Variants in MERTK observed in about 807,000 individuals in gnomAD.
The protein encoded by MERTK is tyrosine-protein kinase Mer.
In MERTK, 69 loss-of-function variants were observed where a neutral mutation model predicts 99.3. The ratio of observed to expected loss-of-function variants is 0.70; its 90% CI spans 0.57 to 0.85. The LOEUF is 0.85. Ranked by LOEUF, MERTK falls within the 40% of genes least tolerant of loss-of-function variation. The pLI is 0.00. For missense variants in MERTK, 1,125 were observed against 1,249.4 expected, an observed-to-expected ratio of 0.90 and a Z score of 1.50; for synonymous variants, 426 against 467.6, an observed-to-expected ratio of 0.91 and a Z score of 1.15.
Position 111,982,938 on chromosome 2 carries a change from A to T in MERTK, c.1241A>T (p.Asp414Val), listed in dbSNP as rs370278504. 1.2e-6 allele frequency: 2 copies of T among 1,614,056 alleles called. No individual in the cohort carries two copies. Among genetic ancestry groups the T allele is most frequent in the African/African-American group, 2.7e-5 (2 of 74,914 alleles). Residue 414 changes from aspartate (D) to valine (V), a missense_variant, in exon 8 of 19, where the codon GAT (aspartate) becomes GTT (valine). Transcript: ENST00000295408. ...RWMKPPTKQQ[D>V]GELVGYRISH... The stretch of plus-strand genomic sequence containing the variant: ...ATGAAGCCTCCGACTAAGCAGCAGG[A>T]TGGAGAACTGGTGGGCTACCGGATA...
At chr2:111,943,888 C>A (rs993133134) in intron 2 of MERTK, among the ~76,000 whole-genome samples, 8 of 152,128 alleles carry the variant, frequency 5.3e-5, no homozygotes, top group Admixed American at 1.3e-4. Context: ...CCCCTAAAAA[C>A]CCATGGAGCC....
intron 1 of MERTK, among the ~76,000 whole-genome samples, chr2:111,927,821 G>A (rs1040868078): frequency 6.6e-6 from 1 of 152,204 alleles, no homozygotes; most frequent in Non-Finnish European, 1.5e-5. Context: ...GATGTCCTGA[G>A]CATGGCAGGA....
chr2:112,008,276 T>G, intron 13 of MERTK, 107 bp from the exon 14 acceptor site: 1 of 797,090 alleles, frequency 1.3e-6, no homozygotes. Context: ...CTCTATACTT[T>G]CATCTCTTCC....
At chr2:111,912,258 C>T (rs746665099) in intron 1 of MERTK, among the ~76,000 whole-genome samples, 3 of 151,994 alleles carry the variant, frequency 2.0e-5, no homozygotes, top group Non-Finnish European at 2.9e-5. Context: ...TTGCCCACCT[C>T]GGTCTCCCAA....
chr2:112,014,026 T>A (rs1286392213), intron 15 of MERTK, among the ~76,000 whole-genome samples: 8 of 149,944 alleles, frequency 5.3e-5, no homozygotes, highest in South Asian at 2.1e-4. Flanking sequence ...GGCTTATTTT[T>A]TTTTTTTTTT....
chr2:111,983,520 G>A (rs10188640), intron 8 of MERTK, among the ~76,000 whole-genome samples: 93,643 of 151,538 alleles, frequency 0.62, 29,273 homozygotes, highest in Middle Eastern at 0.69. Context: ...GCACAGCTGC[G>A]GGCAAGCCGA....
intron 7 of MERTK, among the ~76,000 whole-genome samples, chr2:111,981,986 C>T (rs940968267): frequency 3.9e-5 from 6 of 152,158 alleles, no homozygotes; most frequent in African/African-American, 1.4e-4. Flanking sequence ...CCCAGGAGTC[C>T]AGAGCACCAC....
chr2:111,954,399 T>C (rs1467265266), intron 4 of MERTK, among the ~76,000 whole-genome samples: 2 of 152,318 alleles, frequency 1.3e-5, no homozygotes, highest in Admixed American at 1.3e-4. Context: ...CCCCATTGCA[T>C]TGAAGAACAA....
chr2:111,970,246 T>G (rs991003573), intron 6 of MERTK, among the ~76,000 whole-genome samples: 1 of 149,640 alleles, frequency 6.7e-6, no homozygotes, highest in African/African-American at 2.5e-5. Context: ...AACCTCTGCC[T>G]CCTGGGTGCA....
At chr2:111,998,615 A>G (rs1182406371) in intron 10 of MERTK, among the ~76,000 whole-genome samples, 1 of 152,224 alleles carries the variant, frequency 6.6e-6, no homozygotes, top group African/African-American at 2.4e-5. Context: ...AAGTCAGGGA[A>G]GGCCTTTGTG....
At chr2:111,930,204 T>C (rs558459162) in intron 2 of MERTK, 1 of 152,486 alleles carries the variant, frequency 6.6e-6, no homozygotes, top group Non-Finnish European at 1.5e-5. Context: ...ACCCTGGCCA[T>C]GTGGGGCTTT....
intron 15 of MERTK, among the ~76,000 whole-genome samples, chr2:112,015,120 A>G (rs1366353570): frequency 6.6e-6 from 1 of 152,178 alleles, no homozygotes; most frequent in Non-Finnish European, 1.5e-5. Flanking sequence ...AGGTTTTAGC[A>G]ATCATGAATG....
chr2:111,997,408 T>C lies in MERTK; in HGVS notation c.1536T>C (p.Phe512=), dbSNP rs745620597. 5 of 1,614,190 alleles carry C rather than the reference T, an allele frequency of 3.1e-6. No individual in the cohort carries two copies. In the East Asian group the frequency reaches 8.9e-5, roughly 29 times the overall value. ...TCATCTTTGGCTGCTTTTGTGGATT[T>C]ATTTTGATTGGGTTGATTTTATACA... is the stretch of plus-strand genomic sequence containing the variant. ...VLIIFGCFCG[F]ILIGLILYIS... Residue 512 remains phenylalanine, a synonymous_variant, in exon 10 of 19, where the codon TTT becomes TTC. Transcript: ENST00000295408.
At chr2:111,934,946 G>T (rs990915738) in intron 2 of MERTK, among the ~76,000 whole-genome samples, 62 of 152,214 alleles carry the variant, frequency 4.1e-4, no homozygotes, top group African/African-American at 1.5e-3. Context: ...AGTATCTAAT[G>T]GCCCAGAGCT....
At chr2:111,907,072 ACAT>A (rs758935108) in intron 1 of MERTK, among the ~76,000 whole-genome samples, 9 of 152,094 alleles carry the variant, frequency 5.9e-5, no homozygotes, top group South Asian at 2.1e-4. Flanking sequence ...ACTTTCTTAG[ACAT>A]CAGCCCAGAA....
intron 2 of MERTK, among the ~76,000 whole-genome samples, chr2:111,934,579 TC>T (rs1684731223): frequency 1.3e-5 from 2 of 152,350 alleles, no homozygotes; most frequent in South Asian, 2.1e-4. Flanking sequence ...TTTGTTTTTT[TC>T]TTGTAAATTT....
intron 4 of MERTK, among the ~76,000 whole-genome samples, chr2:111,953,637 G>C (rs763658578): frequency 1.3e-5 from 2 of 151,954 alleles, no homozygotes; most frequent in Non-Finnish European, 2.9e-5. Context: ...GTGCAATGGC[G>C]TGATCTCTGC....
intron 4 of MERTK, among the ~76,000 whole-genome samples, chr2:111,955,694 G>C (rs745409110): frequency 6.6e-6 from 1 of 152,050 alleles, no homozygotes; most frequent in Non-Finnish European, 1.5e-5. Flanking sequence ...GGTAAAGCTG[G>C]GTGAAGGATG....
At chr2:111,990,922 C>T (rs1221681029) in intron 8 of MERTK, among the ~76,000 whole-genome samples, 4 of 152,260 alleles carry the variant, frequency 2.6e-5, no homozygotes, top group Non-Finnish European at 5.9e-5. Context: ...CTTTCCCAAT[C>T]GTGTAATTCC....
Sources: allele counts gnomAD v4.1 joint callset (sites outside exome capture counted in the v4.1 genomes callset), GRCh38; gene constraint gnomAD v4.1.1; transcripts MANE v1.5; gene names NCBI Gene and HGNC (gene_info 2026-07-23, HGNC 2026-07-21).